Variants in DDR2 observed in about 807,000 individuals in gnomAD.
DDR2 encodes the protein discoidin domain-containing receptor 2.
A neutral mutation model predicts 94.9 loss-of-function variants in DDR2; 27 were observed. The observed-to-expected ratio is 0.28, with a 90% CI of 0.21 to 0.39. The LOEUF (loss-of-function observed/expected upper bound fraction) is 0.39, where lower values mean the gene tolerates loss of function less well. Ranked by LOEUF, DDR2 falls within the 10% of genes least tolerant of loss-of-function variation. DDR2 has a pLI of 1.00. For synonymous variants in DDR2, 382 were observed against 377.2 expected, an observed-to-expected ratio of 1.01 and a Z score of -0.15; for missense variants, 783 against 1,076.0, an observed-to-expected ratio of 0.73 and a Z score of 3.81.
At chr1:162,697,344 C>T (rs1191210733) in intron 2 of DDR2, among the ~76,000 whole-genome samples, 1 of 152,096 alleles carries the variant, frequency 6.6e-6, no homozygotes, top group Non-Finnish European at 1.5e-5. Flanking sequence ...GTCATAAGAA[C>T]CTCATGGCAA....
chr1:162,759,664 C>A, intron 7 of DDR2, 132 bp from the exon 8 acceptor site: 1 of 1,020,990 alleles, frequency 9.8e-7, no homozygotes, highest in Non-Finnish European at 1.5e-6. Context: ...TGATTATTTA[C>A]AATCCTTCAA....
intron 2 of DDR2, among the ~76,000 whole-genome samples, chr1:162,680,933 T>A (rs1659368407): frequency 6.6e-6 from 1 of 152,186 alleles, no homozygotes; most frequent in Admixed American, 6.5e-5. Flanking sequence ...TTTGGGTAAG[T>A]CAGTCTGGCT....
intron 1 of DDR2, among the ~76,000 whole-genome samples, chr1:162,638,453 T>A (rs756932352): frequency 4.6e-5 from 7 of 152,242 alleles, no homozygotes; most frequent in Non-Finnish European, 1.0e-4. Context: ...CATGGTAAGG[T>A]TGGAGAAGTG....
intron 3 of DDR2, among the ~76,000 whole-genome samples, chr1:162,729,830 G>A (rs536060113): frequency 4.6e-5 from 7 of 151,598 alleles, no homozygotes; most frequent in African/African-American, 9.7e-5. Context: ...TGCAACCTCC[G>A]CCTCCCAGGT....
In DDR2 at chr1:162,759,731, T is replaced by C. The variant is rs908500472; in HGVS notation, c.672-65T>C. 2.9e-4 allele frequency: 457 copies of C among 1,598,464 alleles called. 1 individual carries two copies. Among genetic ancestry groups the C allele is most frequent in the Non-Finnish European group, 3.3e-4 (388 of 1,168,626 alleles). On this transcript the variant is annotated intron_variant, in intron 7 of 17. Coordinates refer to ENST00000367921, the MANE Select transcript of DDR2 (RefSeq NM_006182.4). ...AGTGAAGATGCCGGGTAAAAGCTCT[T>C]CCACGAATGTGTGGTTAACTCAGAT... is the stretch of plus-strand genomic sequence containing the variant.
In DDR2 at chr1:162,741,843, A is replaced by G. The variant is rs1475806083; in HGVS notation, c.83-11252A>G. The G allele has an allele frequency of 6.9e-6, 5 of 719,494 alleles. No individual in the cohort carries two copies. In the African/African-American group the frequency reaches 9.7e-5, roughly 14 times the overall value. The allele number at this position is 719,494 out of a possible 1,614,324, so 44.6% of individuals were successfully genotyped here. A position where few individuals can be genotyped will look rare whatever the true frequency, so the allele number is the denominator to read the frequency against. ...GAAGCCTCTCTTTATTCATTAAGTC[A>G]CTGGTGACAAGGACTAAAACACTTA... is the stretch of plus-strand genomic sequence containing the variant. On this transcript the variant is annotated intron_variant, in intron 3 of 17. Transcript: ENST00000367921.
intron 1 of DDR2, among the ~76,000 whole-genome samples, chr1:162,648,930 G>T (rs1334192210): frequency 3.3e-5 from 5 of 152,124 alleles, no homozygotes; most frequent in Non-Finnish European, 7.3e-5. Context: ...TTTGTTACTG[G>T]CAGAGCAGAT....
intron 1 of DDR2, among the ~76,000 whole-genome samples, chr1:162,640,028 T>C (rs1253369721): frequency 6.6e-6 from 1 of 152,020 alleles, no homozygotes; most frequent in African/African-American, 2.4e-5. Context: ...ACAAACAATG[T>C]ACTTTGGGTG....
intron 9 of DDR2, among the ~76,000 whole-genome samples, chr1:162,762,911 A>G (rs2805024): frequency 0.62 from 93,677 of 152,024 alleles, 32,717 homozygotes; most frequent in Non-Finnish European, 0.78. Flanking sequence ...ATCTTGGCTC[A>G]CTGCAACCCC....
intron 3 of DDR2, among the ~76,000 whole-genome samples, chr1:162,746,817 T>C (rs1256400171): frequency 6.6e-6 from 1 of 152,200 alleles, no homozygotes; most frequent in Non-Finnish European, 1.5e-5. Flanking sequence ...TTGCAATATT[T>C]GCTGTTTTGC....
intron 17 of DDR2, among the ~76,000 whole-genome samples, chr1:162,779,819 T>A (rs367872925): frequency 6.6e-5 from 10 of 152,190 alleles, no homozygotes; most frequent in East Asian, 3.9e-4. Flanking sequence ...AGATTTGGTC[T>A]CTTTTTGGTT....
intron 2 of DDR2, among the ~76,000 whole-genome samples, chr1:162,698,674 C>T (rs1660298388): frequency 6.6e-6 from 1 of 152,112 alleles, no homozygotes; most frequent in South Asian, 2.1e-4. Context: ...ATCCTCAGGG[C>T]TGGGAGAAGG....
At chr1:162,719,250 T>C (rs753864294) in intron 3 of DDR2, 105 bp downstream of exon 3, 14 of 1,574,744 alleles carry the variant, frequency 8.9e-6, no homozygotes, top group East Asian at 2.3e-5. Flanking sequence ...ACTACAAAGC[T>C]CTTTCTTTTT....
In DDR2 at chr1:162,727,994, ATATATC is replaced by A. The variant is rs1314875602; in HGVS notation, c.82+8855_82+8860del. Among the ~76,000 whole-genome samples, 9 of 141,936 alleles carry A rather than the reference ATATATC, an allele frequency of 6.3e-5. No homozygotes were observed. The East Asian group carries it at 1.4e-3, about 22-fold the overall frequency. 93.1% of individuals were successfully genotyped at this position (141,936 alleles called of 152,430 possible). On this transcript the variant is annotated intron_variant, in intron 3 of 17. Transcript: ENST00000367921. The stretch of plus-strand genomic sequence containing the variant: ...ATATATATAGATATAATCACACTAT[ATATATC>A]TATATATATATAGATATAATCACAC...
chr1:162,741,951 C>G (rs1336155970), intron 3 of DDR2, among the ~76,000 whole-genome samples: 1 of 152,174 alleles, frequency 6.6e-6, no homozygotes, highest in African/African-American at 2.4e-5. Context: ...GTGTGATTTT[C>G]AAAAAGTACA....
chr1:162,717,191 A>G (rs71639944), intron 2 of DDR2, among the ~76,000 whole-genome samples: 17,002 of 151,880 alleles, frequency 0.11, 1,332 homozygotes, highest in East Asian at 0.3. Context: ...ACCCACCACC[A>G]AGCCTCGCTA....
intron 2 of DDR2, among the ~76,000 whole-genome samples, chr1:162,671,978 G>T (rs1209977365): frequency 3.3e-5 from 5 of 152,044 alleles, no homozygotes; most frequent in African/African-American, 4.8e-5. Context: ...AGACTGTCTT[G>T]GTCACTTTTC....
intron 3 of DDR2, 150 bp from the exon 4 acceptor site, chr1:162,752,945 C>A: frequency 1.5e-6 from 1 of 664,326 alleles, no homozygotes; most frequent in Non-Finnish European, 2.7e-6. Context: ...CTGATAGAGT[C>A]AGGGTGATCA....
At chr1:162,669,309 C>A (rs1346482443) in intron 2 of DDR2, among the ~76,000 whole-genome samples, 7 of 152,128 alleles carry the variant, frequency 4.6e-5, no homozygotes, top group Admixed American at 4.6e-4. Context: ...TTGTAAAATG[C>A]AGTATTCTGA....
Sources: gnomAD v4.1 joint callset for allele counts (sites outside exome capture counted in the v4.1 genomes callset) on GRCh38, gnomAD v4.1.1 for gene constraint, MANE v1.5 for transcripts, NCBI Gene and HGNC (gene_info 2026-07-23, HGNC 2026-07-21) for gene names.